PCED1B: variants seen among roughly 807,000 people sequenced by gnomAD.
The protein encoded by PCED1B is PC-esterase domain containing 1B.
For missense variants in PCED1B, 573 were observed against 573.9 expected (o/e 1.00, Z 0.02); for synonymous variants, 251 against 246.1 (o/e 1.02, Z -0.19).
In PCED1B at chr12:47,102,272, T is replaced by C. The variant is rs565464972; in HGVS notation, c.-608-1841T>C. On this transcript the variant is annotated intron_variant, in intron 1 of 3. Transcript: ENST00000546455. Reference sequence around the variant, plus strand: ...TTCAGATACAATGTATCCAAAAAAGTAAGTGTATTAAAAATGTAAATATAT... The same window carrying C: ...TTCAGATACAATGTATCCAAAAAAGCAAGTGTATTAAAAATGTAAATATAT... Among the ~76,000 whole-genome samples the C allele has an allele frequency of 7.9e-5, 12 of 152,332 alleles. No homozygotes were observed. In the South Asian group the frequency reaches 2.5e-3, roughly 32 times the overall value.
At chr12:47,126,571 T>A (rs79527868) in intron 2 of PCED1B, among the ~76,000 whole-genome samples, 3,005 of 152,268 alleles carry the variant, frequency 0.02, 74 homozygotes, top group East Asian at 0.11. Context: ...TTTGTAAAAT[T>A]AGTATTATTT....
At chr12:47,161,916 T>C (rs1333965223) in intron 2 of PCED1B, among the ~76,000 whole-genome samples, 2 of 152,194 alleles carry the variant, frequency 1.3e-5, no homozygotes, top group Non-Finnish European at 2.9e-5. Context: ...ATATACACTA[T>C]GGAATGCTAT....
At chr12:47,209,624 C>T (rs1055894581) in intron 2 of PCED1B, 1 of 152,184 alleles carries the variant, frequency 6.6e-6, no homozygotes, top group African/African-American at 2.4e-5. Flanking sequence ...GAATAGTATA[C>T]TCAGTAGGTG....
intron 2 of PCED1B, among the ~76,000 whole-genome samples, chr12:47,122,961 A>C (rs759246998): frequency 1.3e-4 from 20 of 152,204 alleles, no homozygotes; most frequent in Admixed American, 4.6e-4. Context: ...CTACTTTCTC[A>C]TTGTAGTGGA....
chr12:47,135,502 A>G, intron 2 of PCED1B: 1 of 472,566 alleles, frequency 2.1e-6, no homozygotes, highest in Non-Finnish European at 4.3e-6. Flanking sequence ...AGAGACTTGG[A>G]AGATCAGCAC....
In PCED1B at chr12:47,100,730, A is replaced by G. The variant is rs549244614; in HGVS notation, c.-608-3383A>G. ...AGACCAAACAGACTGGATTGTGGTA[A>G]TAAGTCTATGTCTTCTTCACTTAGC... On this transcript the variant is annotated intron_variant, in intron 1 of 3. Transcript: ENST00000546455. 2.6e-5 allele frequency among the ~76,000 whole-genome samples: 4 copies of G among 152,328 alleles called. No homozygotes were observed. The South Asian group carries it at 8.3e-4, about 32-fold the overall frequency.
At chr12:47,212,472 C>G (rs886424449) in intron 2 of PCED1B, among the ~76,000 whole-genome samples, 1 of 152,076 alleles carries the variant, frequency 6.6e-6, no homozygotes, top group African/African-American at 2.4e-5. Flanking sequence ...AGTCCAGGAC[C>G]CAGGAAGCCT....
At chr12:47,099,294 C>T (rs1314534253) in intron 1 of PCED1B, among the ~76,000 whole-genome samples, 1 of 152,176 alleles carries the variant, frequency 6.6e-6, no homozygotes, top group Admixed American at 6.5e-5. Flanking sequence ...ACCGGAACAC[C>T]GGCTATTACC....
At chr12:47,167,486 G>A (rs549409765) in intron 2 of PCED1B, among the ~76,000 whole-genome samples, 3 of 152,064 alleles carry the variant, frequency 2.0e-5, no homozygotes, top group Non-Finnish European at 4.4e-5. Context: ...AGAAATGTGA[G>A]GTGTGTTTCA....
chr12:47,124,654 G>A (rs1032066736), intron 2 of PCED1B, among the ~76,000 whole-genome samples: 3 of 151,868 alleles, frequency 2.0e-5, no homozygotes, highest in Non-Finnish European at 2.9e-5. Flanking sequence ...CAGTATATGA[G>A]CATTCCAGTT....
intron 2 of PCED1B, among the ~76,000 whole-genome samples, chr12:47,120,677 C>A (rs1047031206): frequency 2.0e-5 from 3 of 152,060 alleles, no homozygotes; most frequent in African/African-American, 7.3e-5. Context: ...TGGTCAGTAC[C>A]TGTAATTCCA....
At chr12:47,169,740 A>G (rs1449892592) in intron 2 of PCED1B, among the ~76,000 whole-genome samples, 2 of 151,706 alleles carry the variant, frequency 1.3e-5, no homozygotes, top group African/African-American at 4.8e-5. Flanking sequence ...CTGTAATCCT[A>G]GTGTTTTGGG....
At position 47,216,402 on chromosome 12, in the gene PCED1B, A is replaced by G. The variant is rs999918686; in HGVS notation, c.-345A>G. The G allele has an allele frequency of 6.6e-6, 1 of 152,184 alleles. No homozygotes were observed. Among genetic ancestry groups the G allele is most frequent in the South Asian group, 2.1e-4 (1 of 4,836 alleles). The allele number at this position is 152,184 out of a possible 1,614,324, so 9.4% of individuals were successfully genotyped here. A position where few individuals can be genotyped will look rare whatever the true frequency, so the allele number is the denominator to read the frequency against. ...GACTTACCATTTCATGTTTTCACAC[A>G]TGTCAAAGTCTTGAAGCTTCGGTCA... On this transcript the variant is annotated 5_prime_UTR_variant, in exon 3 of 4. The change abolishes an upstream ATG in the 5' untranslated region. Transcript: ENST00000546455.
chr12:47,096,476 C>G (rs538490781), intron 1 of PCED1B, among the ~76,000 whole-genome samples: 65 of 151,596 alleles, frequency 4.3e-4, no homozygotes, highest in African/African-American at 1.5e-3. Context: ...ATGTGTACAG[C>G]TGTTCACATA....
At chr12:47,098,212 G>A (rs980375792) in intron 1 of PCED1B, among the ~76,000 whole-genome samples, 7 of 152,120 alleles carry the variant, frequency 4.6e-5, no homozygotes, top group African/African-American at 1.2e-4. Flanking sequence ...GGGTAGACTC[G>A]TGGACCACAA....
chr12:47,226,966 C>T (rs1001468134), intron 3 of PCED1B, among the ~76,000 whole-genome samples: 3 of 152,018 alleles, frequency 2.0e-5, no homozygotes, highest in African/African-American at 7.2e-5. Flanking sequence ...TTTCTATTCA[C>T]TCCCCTAAAA....
chr12:47,108,929 C>A (rs1037089073), intron 2 of PCED1B, among the ~76,000 whole-genome samples: 2 of 152,194 alleles, frequency 1.3e-5, no homozygotes, highest in African/African-American at 4.8e-5. Context: ...TACTTCGGGG[C>A]ACACACCAAC....
At chr12:47,130,631 G>A (rs540237262) in intron 2 of PCED1B, among the ~76,000 whole-genome samples, 17 of 152,294 alleles carry the variant, frequency 1.1e-4, no homozygotes, top group African/African-American at 4.1e-4. Flanking sequence ...CAAGGCTGCA[G>A]TGAGCTGTGA....
intron 2 of PCED1B, among the ~76,000 whole-genome samples, chr12:47,192,325 G>A (rs951084399): frequency 1.2e-4 from 18 of 152,078 alleles, no homozygotes; most frequent in Non-Finnish European, 2.6e-4. Context: ...AGAACAGGGA[G>A]TTTAGAAGGC....
Sources: gnomAD v4.1 joint callset for allele counts (sites outside exome capture counted in the v4.1 genomes callset) on GRCh38, gnomAD v4.1.1 for gene constraint, MANE v1.5 for transcripts, NCBI Gene and HGNC (gene_info 2026-07-23, HGNC 2026-07-21) for gene names.